STON2: variants seen among roughly 807,000 people sequenced by gnomAD.
The protein encoded by STON2 is stonin 2, also known as stonin-2.
STON2 carries 29 observed loss-of-function variants against 65.7 expected under a neutral mutation model. The observed-to-expected ratio is 0.44, with a 90% CI of 0.33 to 0.60. The LOEUF is 0.60. Ranked by LOEUF, STON2 falls within the 20% of genes least tolerant of loss-of-function variation. STON2 has a pLI of 0.03. For missense variants in STON2, 1,054 were observed against 1,118.1 expected, an observed-to-expected ratio of 0.94 and a Z score of 0.82; for synonymous variants, 404 against 414.2, an observed-to-expected ratio of 0.98 and a Z score of 0.30.
chr14:81,334,356 C>T (rs953858489), intron 4 of STON2, among the ~76,000 whole-genome samples: 3 of 152,218 alleles, frequency 2.0e-5, no homozygotes, highest in East Asian at 1.9e-4. Context: ...ATACAATTCA[C>T]GTTCCATCAC....
intron 3 of STON2, among the ~76,000 whole-genome samples, chr14:81,373,257 A>G (rs76441731): frequency 0.042 from 6,401 of 152,256 alleles, 482 homozygotes; most frequent in African/African-American, 0.15. Context: ...AAATCATTCC[A>G]TAACAGTCTA....
At chr14:81,415,375 A>C (rs908393912) in intron 2 of STON2, among the ~76,000 whole-genome samples, 2 of 152,124 alleles carry the variant, frequency 1.3e-5, no homozygotes, top group African/African-American at 4.8e-5. Context: ...TGGGATTCTA[A>C]CTAAAATCTT....
rs1423391246 is a variant in STON2 at position 81,265,913 on chromosome 14, T to C, written c.*2501A>G. ...AAGCGTGAGTGACTAAGGAAGGTGC[T>C]GGGATGAGCTTCATTTCCCTTGCCA... is the stretch of plus-strand genomic sequence containing the variant. On this transcript the variant is annotated 3_prime_UTR_variant, in exon 8 of 8. Transcript: ENST00000614646. 5.1e-6 allele frequency: 5 copies of C among 985,226 alleles called. No homozygotes were observed. The South Asian group carries it at 1.4e-4, about 28-fold the overall frequency. The allele number at this position is 985,226 out of a possible 1,614,324, so 61.0% of individuals were successfully genotyped here. A position where few individuals can be genotyped will look rare whatever the true frequency, so the allele number is the denominator to read the frequency against.
In STON2 at chr14:81,262,461, C is replaced by T; in HGVS notation, c.*5953G>A. The stretch of plus-strand genomic sequence containing the variant: ...TATGCAATCTTTATTTTTCCTGGAG[C>T]TTCTTACTTTTAACTTTAAGAGATG... On this transcript the variant is annotated 3_prime_UTR_variant, in exon 8 of 8. Coordinates refer to ENST00000614646, the MANE Select transcript of STON2 (RefSeq NM_001394390.1). The T allele has an allele frequency of 1.0e-6, 1 of 985,290 alleles. No individual in the cohort carries two copies. The highest frequency in any genetic ancestry group is 4.7e-5 in the South Asian group (1 of 21,292). The allele number at this position is 985,290 out of a possible 1,614,324, so 61.0% of individuals were successfully genotyped here. A position where few individuals can be genotyped will look rare whatever the true frequency, so the allele number is the denominator to read the frequency against.
In STON2 at chr14:81,267,846, G is replaced by A. The variant is rs1023461413; in HGVS notation, c.*568C>T. ...CAATCTAAACGATCTAGAGCCAGGA[G>A]GGAAATGTCTTGAAAGCTTAACAGT... On this transcript the variant is annotated 3_prime_UTR_variant, in exon 8 of 8. Coordinates refer to ENST00000614646, the MANE Select transcript of STON2 (RefSeq NM_001394390.1). The A allele has an allele frequency of 6.1e-6, 6 of 985,316 alleles. No individual in the cohort carries two copies. The African/African-American group carries it at 1.0e-4, about 17-fold the overall frequency. The allele number at this position is 985,316 out of a possible 1,614,324, so 61.0% of individuals were successfully genotyped here.
chr14:81,408,088 G>A (rs1181083033), intron 2 of STON2, among the ~76,000 whole-genome samples: 1 of 151,764 alleles, frequency 6.6e-6, no homozygotes, highest in African/African-American at 2.4e-5. Context: ...TTTCCTTGAT[G>A]AGAGACCTGA....
intron 5 of STON2, among the ~76,000 whole-genome samples, chr14:81,294,891 T>C (rs968810997): frequency 6.6e-6 from 1 of 152,218 alleles, no homozygotes; most frequent in Non-Finnish European, 1.5e-5. Context: ...CTTCTAAACA[T>C]TCAAAAGTGC....
chr14:81,263,142 T>C lies in STON2; in HGVS notation c.*5272A>G. The C allele has an allele frequency of 1.0e-6, 1 of 985,432 alleles. No homozygotes were observed. The highest frequency in any genetic ancestry group is 1.2e-6 in the Non-Finnish European group (1 of 829,932). 61.0% of individuals were successfully genotyped at this position (985,432 alleles called of 1,614,324 possible). A position where few individuals can be genotyped will look rare whatever the true frequency, so the allele number is the denominator to read the frequency against. ...TTGTTAGTTTTGCTTGAAATTCCTG[T>C]TAAATTGCATTCTGGACATGACCTA... is the stretch of plus-strand genomic sequence containing the variant. On this transcript the variant is annotated 3_prime_UTR_variant, in exon 8 of 8. Transcript: ENST00000614646.
At chr14:81,362,138 C>T (rs1360413313) in intron 4 of STON2, among the ~76,000 whole-genome samples, 4 of 152,136 alleles carry the variant, frequency 2.6e-5, no homozygotes, top group Non-Finnish European at 4.4e-5. Context: ...TGGGTACTTA[C>T]TCAAAAGATT....
At chr14:81,281,252 A>C (rs1235049985) in intron 5 of STON2, among the ~76,000 whole-genome samples, 1 of 152,206 alleles carries the variant, frequency 6.6e-6, no homozygotes, top group Non-Finnish European at 1.5e-5. Context: ...CGAAGGGAAA[A>C]CGGTCAGGAA....
chr14:81,278,042 C>CT lies in STON2; in HGVS notation c.1439dup (p.Pro481AlafsTer3). 1.2e-6 allele frequency: 2 copies of CT among 1,614,230 alleles called. No individual in the cohort carries two copies. The highest frequency in any genetic ancestry group is 1.7e-6 in the Non-Finnish European group (2 of 1,180,046). On this transcript the variant is annotated frameshift_variant, in exon 6 of 8. Coordinates refer to ENST00000614646, the MANE Select transcript of STON2 (RefSeq NM_001394390.1). LOFTEE classifies it high-confidence loss of function. The stretch of plus-strand genomic sequence containing the variant: ...ACATCATTGGCCACCCGTCACGAGG[C>CT]TGGGACCGTGCTGATCCAGGCGGGT...
At chr14:81,403,383 C>T (rs548052297), upstream of STON2, among the ~76,000 whole-genome samples, 5 of 152,282 alleles carry the variant, frequency 3.3e-5, no homozygotes, top group South Asian at 2.1e-4. Context: ...TATGCATGCT[C>T]ATTGTCTTTT....
chr14:81,285,565 T>C (rs1401712713), intron 5 of STON2, among the ~76,000 whole-genome samples: 1 of 152,224 alleles, frequency 6.6e-6, no homozygotes, highest in Non-Finnish European at 1.5e-5. Flanking sequence ...ATTATAAGCA[T>C]GATCCACTGC....
intron 5 of STON2, among the ~76,000 whole-genome samples, chr14:81,322,453 A>G (rs559703510): frequency 6.6e-6 from 1 of 152,302 alleles, no homozygotes; most frequent in African/African-American, 2.4e-5. Flanking sequence ...TTGGCCTCCA[A>G]ATAAGTGGCA....
intron 5 of STON2, among the ~76,000 whole-genome samples, chr14:81,308,299 G>A (rs1036939674): frequency 6.6e-6 from 1 of 152,086 alleles, no homozygotes; most frequent in Non-Finnish European, 1.5e-5. Flanking sequence ...TGTCTCCTGG[G>A]TTCAAGCAAT....
intron 4 of STON2, among the ~76,000 whole-genome samples, chr14:81,352,569 G>A (rs1346684805): frequency 1.3e-5 from 2 of 152,146 alleles, no homozygotes; most frequent in African/African-American, 4.8e-5. Flanking sequence ...CCCTTCCTGA[G>A]GGCCCAGCCA....
At chr14:81,373,170 C>A (rs1899081413) in intron 3 of STON2, among the ~76,000 whole-genome samples, 1 of 152,036 alleles carries the variant, frequency 6.6e-6, no homozygotes, top group Admixed American at 6.6e-5. Flanking sequence ...ACTTCTATAC[C>A]CCCATTCCTG....
Position 81,306,140 on chromosome 14 carries a change from T to C in STON2, c.742+17877A>G, listed in dbSNP as rs867132763. 1.6e-4 allele frequency among the ~76,000 whole-genome samples: 19 copies of C among 118,324 alleles called. No individual in the cohort carries two copies. In the Middle Eastern group the frequency reaches 0.012, roughly 73 times the overall value. 77.6% of individuals were successfully genotyped at this position (118,324 alleles called of 152,430 possible). A position where few individuals can be genotyped will look rare whatever the true frequency, so the allele number is the denominator to read the frequency against. ...TTTTAATTGCAACCAAAGAATCCTA[T>C]TGATTCTTTTAAATCTCTCTCTCTC... On this transcript the variant is annotated intron_variant, in intron 5 of 7. Coordinates refer to ENST00000614646, the MANE Select transcript of STON2 (RefSeq NM_001394390.1).
Position 81,395,996 on chromosome 14 carries a change from G to A in STON2, c.271C>T (p.Pro91Ser), listed in dbSNP as rs771700121. The A allele has an allele frequency of 2.4e-5, 39 of 1,614,078 alleles. No individual in the cohort carries two copies. In the South Asian group the frequency reaches 4.3e-4, roughly 18 times the overall value. ...ATGGCCGAGGCCAGGTCAGGTGGGG[G>A]CTGCTCAGGGCTCCCAGGTGGGGAA... ...AASPPGSPEQ[P>S]PPDLASAISN... The change falls in exon 3 of 8, where the codon CCC (proline) becomes TCC (serine). Residue 91 changes from proline to serine, a missense_variant. Pro to Ser is a moderately conservative substitution (Grantham distance 74). Coordinates refer to ENST00000614646, the MANE Select transcript of STON2 (RefSeq NM_001394390.1).
Sources: gnomAD v4.1 joint callset for allele counts (sites outside exome capture counted in the v4.1 genomes callset) on GRCh38, gnomAD v4.1.1 for gene constraint, MANE v1.5 for transcripts, NCBI Gene and HGNC (gene_info 2026-07-23, HGNC 2026-07-21) for gene names.